The following DRD2 variants were observed in gnomAD, a reference collection of about 807,000 sequenced individuals.
The protein encoded by DRD2 is D(2) dopamine receptor.
Under a neutral mutation model 38.0 loss-of-function variants are expected in DRD2, and 8 were observed. That is an observed-to-expected ratio of 0.21 (90% confidence interval 0.12 to 0.38). The LOEUF (loss-of-function observed/expected upper bound fraction) is 0.38. DRD2 is among the 10% of genes least tolerant of loss of function. The pLI is 1.00. For synonymous variants in DRD2, 230 were observed against 238.6 expected, an observed-to-expected ratio of 0.96 and a Z score of 0.33; for missense variants, 403 against 607.7, an observed-to-expected ratio of 0.66 and a Z score of 3.54.
intron 1 of DRD2, among the ~76,000 whole-genome samples, chr11:113,473,873 C>A (rs538736848): frequency 1.3e-5 from 2 of 152,320 alleles, no homozygotes; most frequent in East Asian, 3.9e-4. Context: ...GATAAGCATG[C>A]ATATTTGCAT....
intron 3 of DRD2, among the ~76,000 whole-genome samples, 155 bp from the exon 4 acceptor site, chr11:113,417,154 G>A (rs1950835787): frequency 6.6e-6 from 1 of 152,148 alleles, no homozygotes; most frequent in South Asian, 2.1e-4. Flanking sequence ...CCTCCCTCCT[G>A]TCCCCAAACT....
intron 2 of DRD2, among the ~76,000 whole-genome samples, chr11:113,420,596 C>T (rs1037230309): frequency 2.0e-5 from 3 of 152,184 alleles, no homozygotes; most frequent in African/African-American, 4.8e-5. Context: ...GGCCATGTAA[C>T]GTGGCCAAGT....
chr11:113,436,902 A>T (rs1035122905), intron 1 of DRD2, among the ~76,000 whole-genome samples: 1 of 151,366 alleles, frequency 6.6e-6, no homozygotes, highest in African/African-American at 2.4e-5. Flanking sequence ...TGGCTGCCAG[A>T]CTCTCCCTCT....
intron 1 of DRD2, among the ~76,000 whole-genome samples, chr11:113,441,349 G>C (rs1951090164): frequency 6.6e-6 from 1 of 152,174 alleles, no homozygotes; most frequent in African/African-American, 2.4e-5. Flanking sequence ...TGGAGAGTTG[G>C]TACTGGTTAG....
chr11:113,429,113 T>G (rs1245004842), intron 1 of DRD2, among the ~76,000 whole-genome samples: 1 of 152,220 alleles, frequency 6.6e-6, no homozygotes, highest in African/African-American at 2.4e-5. Flanking sequence ...TCTCGTTGCT[T>G]TTTGTTGCTA....
At position 113,412,824 on chromosome 11, in the gene DRD2, G is replaced by T. The variant is rs74548208; in HGVS notation, c.870C>A (p.Pro290=). The T allele has an allele frequency of 1.7e-5, 28 of 1,613,252 alleles. No individual in the cohort carries two copies. The East Asian group carries it at 6.2e-4, about 36-fold the overall frequency. ...EMEMLSSTSP[P]ERTRYSPIPP... is the part of the protein sequence containing the mutation. ...GGATGGGGCTGTACCGGGTCCTCTCGGGTGGGCTGGTGCTGGAGAGCATCT... is the reference window on the plus strand; with the variant it reads ...GGATGGGGCTGTACCGGGTCCTCTCTGGTGGGCTGGTGCTGGAGAGCATCT... Residue 290 remains proline (P), a synonymous_variant, in exon 7 of 8, where the codon CCC becomes CCA. Coordinates refer to ENST00000362072, the MANE Select transcript of DRD2 (RefSeq NM_000795.4).
chr11:113,449,630 G>A (rs1180534903), intron 1 of DRD2, among the ~76,000 whole-genome samples: 3 of 152,084 alleles, frequency 2.0e-5, no homozygotes, highest in African/African-American at 7.2e-5. Context: ...GCAGAGTGAC[G>A]GCCATAACAC....
chr11:113,450,322 T>C (rs1951199386), intron 1 of DRD2, among the ~76,000 whole-genome samples: 1 of 152,200 alleles, frequency 6.6e-6, no homozygotes, highest in Non-Finnish European at 1.5e-5. Context: ...GTTGTGCTTT[T>C]TGAAGGCCTC....
At chr11:113,448,529 C>T (rs773818882) in intron 1 of DRD2, among the ~76,000 whole-genome samples, 6 of 152,234 alleles carry the variant, frequency 3.9e-5, no homozygotes, top group South Asian at 2.1e-4. Context: ...GTAATTGCAA[C>T]GTGATGCTCT....
At chr11:113,427,267 C>T (rs1950948940) in intron 1 of DRD2, among the ~76,000 whole-genome samples, 1 of 152,058 alleles carries the variant, frequency 6.6e-6, no homozygotes, top group Non-Finnish European at 1.5e-5. Context: ...CTTCTGTTCA[C>T]TTCCCTTCCC....
intron 2 of DRD2, 149 bp from the exon 3 acceptor site, chr11:113,418,285 G>A: frequency 1.4e-6 from 1 of 701,778 alleles, no homozygotes; most frequent in Non-Finnish European, 2.6e-6. Flanking sequence ...GGGGAGTGAT[G>A]CCCATGGGTG....
chr11:113,449,127 G>T (rs951057072), intron 1 of DRD2, among the ~76,000 whole-genome samples: 1 of 152,152 alleles, frequency 6.6e-6, no homozygotes, highest in African/African-American at 2.4e-5. Context: ...GATCTAGTCT[G>T]TGACTTTTGT....
chr11:113,430,010 G>A (rs1403854439), intron 1 of DRD2, among the ~76,000 whole-genome samples: 3 of 152,200 alleles, frequency 2.0e-5, no homozygotes, highest in Admixed American at 6.5e-5. Context: ...ACAAGCCAAC[G>A]GCTCAGCAAG....
At chr11:113,425,581 C>T (rs1950933920) in intron 1 of DRD2, among the ~76,000 whole-genome samples, 1 of 152,158 alleles carries the variant, frequency 6.6e-6, no homozygotes, top group African/African-American at 2.4e-5. Flanking sequence ...GTGATTCTGA[C>T]AGCACTGTGG....
At chr11:113,413,187 A>T (rs906678803) in intron 6 of DRD2, 5 of 624,730 alleles carry the variant, frequency 8.0e-6, no homozygotes, top group Non-Finnish European at 1.5e-5. Context: ...ACTGTTAGCA[A>T]AGTGCCAGGT....
At chr11:113,450,848 G>A (rs1951204203) in intron 1 of DRD2, among the ~76,000 whole-genome samples, 1 of 152,086 alleles carries the variant, frequency 6.6e-6, no homozygotes, top group African/African-American at 2.4e-5. Context: ...TTCTCCAAAC[G>A]GACCACTCCT....
At chr11:113,421,471 A>G (rs1269702991) in intron 2 of DRD2, among the ~76,000 whole-genome samples, 1 of 152,178 alleles carries the variant, frequency 6.6e-6, no homozygotes. Flanking sequence ...GCACACAGGA[A>G]GCCGCTCCTT....
At chr11:113,447,102 C>G (rs1156299445) in intron 1 of DRD2, among the ~76,000 whole-genome samples, 1 of 152,174 alleles carries the variant, frequency 6.6e-6, no homozygotes, top group Admixed American at 6.5e-5. Flanking sequence ...CATGTCATAG[C>G]CCTTGCAAGT....
chr11:113,430,476 G>A (rs1950975788), intron 1 of DRD2, among the ~76,000 whole-genome samples: 1 of 152,208 alleles, frequency 6.6e-6, no homozygotes, highest in African/African-American at 2.4e-5. Flanking sequence ...GGGGCAGGGG[G>A]AAGTGCATTG....
Sources: gnomAD v4.1 joint callset for allele counts (sites outside exome capture counted in the v4.1 genomes callset) on GRCh38, gnomAD v4.1.1 for gene constraint, MANE v1.5 for transcripts, NCBI Gene and HGNC (gene_info 2026-07-23, HGNC 2026-07-21) for gene names.